The following CRISPLD2 variants were observed in gnomAD, a reference collection of about 807,000 sequenced individuals.
The protein encoded by CRISPLD2 is cysteine-rich secretory protein LCCL domain-containing 2.
Under a neutral mutation model 71.1 loss-of-function variants are expected in CRISPLD2, and 47 were observed. The ratio of observed to expected loss-of-function variants is 0.66; its 90% CI spans 0.52 to 0.84. CRISPLD2 has a LOEUF of 0.84. CRISPLD2 is among the 40% of genes least tolerant of loss of function. The probability of loss-of-function intolerance (pLI) is 0.00; values close to 1 mark genes in which losing one functional copy is unlikely to be tolerated. For missense variants in CRISPLD2, 830 were observed against 651.1 expected, an observed-to-expected ratio of 1.27 and a Z score of -2.99; for synonymous variants, 317 against 250.1, an observed-to-expected ratio of 1.27 and a Z score of -2.52.
chr16:84,894,067 C>T (rs1196635303), intron 14 of CRISPLD2, among the ~76,000 whole-genome samples: 1 of 152,232 alleles, frequency 6.6e-6, no homozygotes, highest in Non-Finnish European at 1.5e-5. Context: ...AAGGTCAGTT[C>T]TGCTTCACAG....
chr16:84,847,879 T>C (rs1916959314), intron 3 of CRISPLD2, among the ~76,000 whole-genome samples: 2 of 152,226 alleles, frequency 1.3e-5, no homozygotes, highest in South Asian at 4.1e-4. Context: ...GATACAGTTG[T>C]CATGAATGTC....
Position 84,833,208 on chromosome 16 carries a change from C to T in CRISPLD2, c.-74-5214C>T, listed in dbSNP as rs537075245. On this transcript the variant is annotated intron_variant, in intron 1 of 14. Transcript: ENST00000262424. ...GGCAGCGCGGGAGAAGTGTGGCTCC[C>T]GTCGCTTTGATTCGCCAGCTGTGGG... is the stretch of plus-strand genomic sequence containing the variant. Among the ~76,000 whole-genome samples, 4 of 152,272 alleles carry T rather than the reference C, an allele frequency of 2.6e-5. No homozygotes were observed. In the East Asian group the frequency reaches 7.7e-4, roughly 29 times the overall value.
chr16:84,893,536 G>A (rs1053400268), intron 14 of CRISPLD2, among the ~76,000 whole-genome samples: 1 of 152,184 alleles, frequency 6.6e-6, no homozygotes, highest in Non-Finnish European at 1.5e-5. Context: ...ATCCCACAGG[G>A]AGCACAACAG....
intron 14 of CRISPLD2, among the ~76,000 whole-genome samples, chr16:84,895,111 T>G (rs1485762044): frequency 6.6e-6 from 1 of 151,530 alleles, no homozygotes; most frequent in Non-Finnish European, 1.5e-5. Flanking sequence ...TCTGCACACG[T>G]TAGCACATCT....
intron 6 of CRISPLD2, among the ~76,000 whole-genome samples, chr16:84,858,698 A>G (rs1030325329): frequency 6.6e-6 from 1 of 152,226 alleles, no homozygotes; most frequent in Non-Finnish European, 1.5e-5. Flanking sequence ...ACAAAGCTGG[A>G]GAATTGATAT....
chr16:84,845,602 A>G (rs1455502501), intron 2 of CRISPLD2, among the ~76,000 whole-genome samples, 184 bp from the exon 3 acceptor site: 1 of 152,238 alleles, frequency 6.6e-6, no homozygotes, highest in Non-Finnish European at 1.5e-5. Flanking sequence ...GCCTGAGGAT[A>G]GGCTTGGAGC....
Position 84,875,151 on chromosome 16 carries a change from G to A in CRISPLD2, c.1156+1188G>A, listed in dbSNP as rs891286618. On this transcript the variant is annotated intron_variant, in intron 11 of 14. Coordinates refer to ENST00000262424, the MANE Select transcript of CRISPLD2 (RefSeq NM_031476.4). ...AGCTACTTCGGAGTCTGAGATGGGA[G>A]GGTTGCTTGAGCCTGGAAACTTGAG... Among the ~76,000 whole-genome samples the A allele has an allele frequency of 3.9e-5, 6 of 152,086 alleles. No homozygotes were observed. The East Asian group carries it at 9.6e-4, about 24-fold the overall frequency.
chr16:84,845,699 G>C, intron 2 of CRISPLD2, 87 bp from the exon 3 acceptor site: 1 of 888,388 alleles, frequency 1.1e-6, no homozygotes, highest in Non-Finnish European at 1.8e-6. Context: ...CTCCACAGGA[G>C]CCCAGGCTGG....
At chr16:84,901,787 CT>C (rs760025598) in intron 14 of CRISPLD2, among the ~76,000 whole-genome samples, 8,860 of 87,878 alleles carry the variant, frequency 0.1, 420 homozygotes, top group East Asian at 0.29. Flanking sequence ...ACTGGTTGCA[CT>C]TTTTTTTTTT....
At chr16:84,894,623 A>C (rs1041411063) in intron 14 of CRISPLD2, among the ~76,000 whole-genome samples, 1 of 152,218 alleles carries the variant, frequency 6.6e-6, no homozygotes, top group Non-Finnish European at 1.5e-5. Flanking sequence ...AGTTTCTAGA[A>C]GCCAAAGGAA....
chr16:84,899,145 C>T (rs1476656991), intron 14 of CRISPLD2, among the ~76,000 whole-genome samples: 2 of 152,280 alleles, frequency 1.3e-5, no homozygotes, highest in South Asian at 2.1e-4. Flanking sequence ...CTACGTTAGC[C>T]TCCCAAAGTG....
intron 1 of CRISPLD2, among the ~76,000 whole-genome samples, chr16:84,827,134 C>G (rs1307413772): frequency 6.6e-6 from 1 of 151,560 alleles, no homozygotes; most frequent in East Asian, 1.9e-4. Context: ...TCTCACTGCC[C>G]CCGCACCCCC....
At chr16:84,821,000 C>A (rs994609559) in intron 1 of CRISPLD2, among the ~76,000 whole-genome samples, 2 of 152,246 alleles carry the variant, frequency 1.3e-5, no homozygotes, top group African/African-American at 2.4e-5. Flanking sequence ...TCGCTGATGC[C>A]TGCTCATCGC....
intron 8 of CRISPLD2, among the ~76,000 whole-genome samples, chr16:84,869,633 A>T (rs572735421): frequency 1.1e-4 from 16 of 152,306 alleles, no homozygotes; most frequent in South Asian, 8.3e-4. Flanking sequence ...TCATGTGTCA[A>T]CAGTCAGCAG....
rs546057623 is a variant in CRISPLD2 at position 84,877,737 on chromosome 16, C to G, written c.1229+227C>G. Among the ~76,000 whole-genome samples, 245 of 152,050 alleles carry G rather than the reference C, an allele frequency of 1.6e-3. No homozygotes were observed. Among genetic ancestry groups the G allele is most frequent in the Middle Eastern group, 3.4e-3 (1 of 294 alleles). ...TGGCGGTGGGTGCCTGTAATTCCAG[C>G]TACTTGGGAAGCTGAGGCAGGAGAA... On this transcript the variant is annotated intron_variant, in intron 12 of 14. Coordinates refer to ENST00000262424, the MANE Select transcript of CRISPLD2 (RefSeq NM_031476.4).
intron 6 of CRISPLD2, among the ~76,000 whole-genome samples, chr16:84,860,255 G>C (rs1160306992): frequency 6.6e-6 from 1 of 152,180 alleles, no homozygotes; most frequent in African/African-American, 2.4e-5. Flanking sequence ...TCCCTATTTA[G>C]TGGGCCCAAA....
intron 1 of CRISPLD2, among the ~76,000 whole-genome samples, chr16:84,825,261 T>C (rs1916322960): frequency 6.7e-6 from 1 of 149,406 alleles, no homozygotes; most frequent in Non-Finnish European, 1.5e-5. Context: ...AGAGAAGTGC[T>C]TCTCAGAGTG....
At chr16:84,824,086 A>G (rs568981012) in intron 1 of CRISPLD2, among the ~76,000 whole-genome samples, 13 of 151,592 alleles carry the variant, frequency 8.6e-5, no homozygotes, top group Middle Eastern at 3.4e-3. Context: ...TAGAGGAAAC[A>G]GGCAGGGTTT....
chr16:84,834,855 C>T (rs190393743), intron 1 of CRISPLD2, among the ~76,000 whole-genome samples: 57 of 152,160 alleles, frequency 3.7e-4, no homozygotes, highest in African/African-American at 1.4e-3. Flanking sequence ...CTAGTAAGGA[C>T]ACCAGTCAGC....
Sources: allele counts gnomAD v4.1 joint callset (sites outside exome capture counted in the v4.1 genomes callset), GRCh38; gene constraint gnomAD v4.1.1; transcripts MANE v1.5; gene names NCBI Gene and HGNC (gene_info 2026-07-23, HGNC 2026-07-21).